DTD1: variants seen among roughly 807,000 people sequenced by gnomAD.
DTD1 encodes the protein D-aminoacyl-tRNA deacylase 1.
Under a neutral mutation model 25.6 loss-of-function variants are expected in DTD1, and 13 were observed. The observed-to-expected ratio is 0.51, with a 90% CI of 0.33 to 0.81. DTD1 has a LOEUF of 0.81. Among genes scored for constraint, DTD1 ranks in the 30% least tolerant of loss-of-function variants. The pLI is 0.02. For synonymous variants in DTD1, 110 were observed against 103.6 expected (o/e 1.06, Z -0.37); for missense variants, 193 against 266.4 (o/e 0.72, Z 1.92).
At chr20:18,678,549 T>G (rs562331847) in intron 4 of DTD1, among the ~76,000 whole-genome samples, 1 of 152,366 alleles carries the variant, frequency 6.6e-6, no homozygotes, top group East Asian at 1.9e-4. Flanking sequence ...ATTGTAACTG[T>G]GATCTATTCT....
intron 5 of DTD1, among the ~76,000 whole-genome samples, chr20:18,746,314 G>A (rs746623745): frequency 2.0e-5 from 3 of 152,162 alleles, no homozygotes; most frequent in Non-Finnish European, 4.4e-5. Context: ...TCCAGAAGGT[G>A]GTTTTCAGCC....
intron 3 of DTD1, among the ~76,000 whole-genome samples, chr20:18,608,145 A>T (rs896478220): frequency 2.0e-5 from 3 of 151,610 alleles, no homozygotes; most frequent in Non-Finnish European, 4.4e-5. Flanking sequence ...AAGTGATCAG[A>T]TTTGTGGATA....
chr20:18,656,375 A>C (rs948260151), intron 4 of DTD1, among the ~76,000 whole-genome samples: 1 of 152,196 alleles, frequency 6.6e-6, no homozygotes, highest in Non-Finnish European at 1.5e-5. Context: ...TAACACAATA[A>C]AAGTTAATTT....
At chr20:18,610,230 T>C (rs927378577) in intron 3 of DTD1, among the ~76,000 whole-genome samples, 7 of 152,224 alleles carry the variant, frequency 4.6e-5, no homozygotes, top group African/African-American at 1.7e-4. Flanking sequence ...TTTATTATTA[T>C]TGGGTGTTTG....
rs2061135057 is a variant in DTD1 at position 18,708,195 on chromosome 20, TTATATATATATTTTATATATATAA to T, written c.478-35881_478-35858del. Among the ~76,000 whole-genome samples, 5 of 57,050 alleles carry T rather than the reference TTATATATATATTTTATATATATAA, an allele frequency of 8.8e-5. No individual in the cohort carries two copies. In the South Asian group the frequency reaches 1.8e-3, roughly 20 times the overall value. The allele number at this position is 57,050 out of a possible 152,430, so 37.4% of individuals were successfully genotyped here. On this transcript the variant is annotated intron_variant, in intron 4 of 5. Coordinates refer to ENST00000377452, the MANE Select transcript of DTD1 (RefSeq NM_080820.6). The stretch of plus-strand genomic sequence containing the variant: ...TGTATATATATATTTTATATATATA[TTATATATATATTTTATATATATAA>T]TATATATATATTTTATATATATATA...
chr20:18,720,815 A>G (rs1169220171), intron 4 of DTD1, among the ~76,000 whole-genome samples: 2 of 152,124 alleles, frequency 1.3e-5, no homozygotes, highest in African/African-American at 4.8e-5. Flanking sequence ...CCGAGATCAA[A>G]CCACTGCACT....
At chr20:18,600,378 G>A (rs1337477959) in intron 3 of DTD1, among the ~76,000 whole-genome samples, 1 of 150,424 alleles carries the variant, frequency 6.6e-6, no homozygotes, top group African/African-American at 2.4e-5. Context: ...CCATTGTATT[G>A]CCTTTGCTCC....
chr20:18,759,216 G>A (rs2061351401), intron 5 of DTD1, among the ~76,000 whole-genome samples: 1 of 152,108 alleles, frequency 6.6e-6, no homozygotes, highest in Non-Finnish European at 1.5e-5. Flanking sequence ...TCTTTGAATT[G>A]GAGCATTTAG....
At chr20:18,613,794 G>A (rs1418675140) in intron 3 of DTD1, among the ~76,000 whole-genome samples, 1 of 152,186 alleles carries the variant, frequency 6.6e-6, no homozygotes, top group Non-Finnish European at 1.5e-5. Context: ...TGTCTGAGCT[G>A]TGTTTAGGTC....
intron 3 of DTD1, among the ~76,000 whole-genome samples, chr20:18,600,960 G>A (rs1219959590): frequency 6.6e-6 from 1 of 152,168 alleles, no homozygotes; most frequent in African/African-American, 2.4e-5. Flanking sequence ...TGTAATCACT[G>A]CCTGGTTTCA....
intron 4 of DTD1, among the ~76,000 whole-genome samples, chr20:18,678,114 A>G (rs922285868): frequency 1.1e-4 from 16 of 152,266 alleles, no homozygotes; most frequent in Non-Finnish European, 1.8e-4. Context: ...CAAGAGGTTC[A>G]CTAAATGCCA....
At chr20:18,639,008 GA>G (rs1185895492) in intron 4 of DTD1, among the ~76,000 whole-genome samples, 1 of 152,070 alleles carries the variant, frequency 6.6e-6, no homozygotes, top group Non-Finnish European at 1.5e-5. Context: ...CTGCAGGAAT[GA>G]CCCCATTCTT....
intron 3 of DTD1, among the ~76,000 whole-genome samples, chr20:18,597,154 A>AGTGTGTGTGTGTGTGT (rs4052788): frequency 2.1e-5 from 3 of 143,462 alleles, no homozygotes; most frequent in African/African-American, 7.8e-5. Flanking sequence ...GATGAGAGAA[A>AGTGTGTGTGTGTGTGT]GTGTGTGTGT....
chr20:18,749,663 T>A lies in DTD1; in HGVS notation c.*19+5392T>A, dbSNP rs978686035. On this transcript the variant is annotated intron_variant, in intron 5 of 5. Transcript: ENST00000377452. This position sits in a 1 kb window ranked among gnomAD's most constrained non-coding sequence, Gnocchi z 4.2. ...CAGGTCAGCCAGAGAGGGCCTTGGG[T>A]CCCTGAGCAAGAGACACCAAACTTC... Among the ~76,000 whole-genome samples, 4 of 151,928 alleles carry A rather than the reference T, an allele frequency of 2.6e-5. No individual in the cohort carries two copies. Among genetic ancestry groups the A allele is most frequent in the Non-Finnish European group, 5.9e-5 (4 of 67,970 alleles).
chr20:18,622,597 A>G (rs1215587575), intron 3 of DTD1, among the ~76,000 whole-genome samples: 1 of 152,226 alleles, frequency 6.6e-6, no homozygotes, highest in African/African-American at 2.4e-5. Flanking sequence ...AAATGCCTGC[A>G]AGAAATTTCC....
intron 4 of DTD1, 58 bp downstream of exon 4, chr20:18,628,291 G>T: frequency 7.3e-7 from 1 of 1,369,906 alleles, no homozygotes; most frequent in Non-Finnish European, 1.0e-6. Context: ...CATCCCTTTA[G>T]TCCCTGGAAG....
In DTD1 at chr20:18,749,407, G is replaced by A. The variant is rs1198795065; in HGVS notation, c.*19+5136G>A. On this transcript the variant is annotated intron_variant, in intron 5 of 5. Coordinates refer to ENST00000377452, the MANE Select transcript of DTD1 (RefSeq NM_080820.6). The surrounding 1 kb of genome is among the most constrained non-coding windows in gnomAD (Gnocchi z 4.2). ...GGAGGAAAGCTGTGTTGGGTCTGTG[G>A]GCTGACTCTCGGTCCTGGATAGAAG... Among the ~76,000 whole-genome samples the A allele has an allele frequency of 6.6e-6, 1 of 152,138 alleles. No individual in the cohort carries two copies. The highest frequency in any genetic ancestry group is 1.5e-5 in the Non-Finnish European group (1 of 68,020).
At chr20:18,729,425 A>G (rs1201007160) in intron 4 of DTD1, among the ~76,000 whole-genome samples, 6 of 152,222 alleles carry the variant, frequency 3.9e-5, no homozygotes, top group South Asian at 4.1e-4. Context: ...AGGCTCAACC[A>G]TGGCCCCGGG....
intron 3 of DTD1, among the ~76,000 whole-genome samples, chr20:18,598,104 C>T (rs117219621): frequency 0.025 from 3,854 of 152,190 alleles, 79 homozygotes; most frequent in South Asian, 0.045. Flanking sequence ...TCCATCCACC[C>T]GTCACCTACA....
Sources: gnomAD v4.1 joint callset for allele counts (sites outside exome capture counted in the v4.1 genomes callset) on GRCh38, gnomAD v4.1.1 for gene constraint, Gnocchi (gnomAD v3.1) non-coding constraint, MANE v1.5 for transcripts, NCBI Gene and HGNC (gene_info 2026-07-23, HGNC 2026-07-21) for gene names.